PARG: variants seen among roughly 807,000 people sequenced by gnomAD.
PARG encodes mitochondrial poly(ADP-ribose) glycohydrolase.
In PARG, 35 loss-of-function variants were observed where a neutral mutation model predicts 113.0. The observed-to-expected ratio is 0.31, with a 90% CI of 0.24 to 0.41. The LOEUF is 0.41. PARG is among the 10% of genes least tolerant of loss of function. The pLI is 1.00. For missense variants in PARG, 797 were observed against 1,169.4 expected (o/e 0.68, Z 4.64); for synonymous variants, 330 against 409.9 (o/e 0.81, Z 2.36).
In PARG at chr10:49,934,096, A is replaced by G. The variant is rs1233537151; in HGVS notation, c.352T>C (p.Phe118Leu). 57 of 1,414,530 alleles carry G rather than the reference A, an allele frequency of 4.0e-5. No individual in the cohort carries two copies. Among genetic ancestry groups the G allele is most frequent in the Non-Finnish European group, 3.2e-5 (32 of 997,780 alleles). The allele number at this position is 1,414,530 out of a possible 1,614,324, so 87.6% of individuals were successfully genotyped here. Residue 118 changes from phenylalanine to leucine, a missense_variant, in exon 3 of 18, where the codon TTT becomes CTT. By Grantham distance (22) the Phe-to-Leu change is conservative. Transcript: ENST00000616448. ...SMMSSVQKDN[F>L]YQHNVEKLEN... ...AATTTTTCTACATTATGTTGGTAAA[A>G]GTTATCTTTTTGTACAGAACTCATC...
chr10:49,929,861 A>G (rs1417547408), intron 4 of PARG, among the ~76,000 whole-genome samples: 1 of 150,802 alleles, frequency 6.6e-6, no homozygotes, highest in Admixed American at 6.6e-5. Context: ...CAGTTTTTAT[A>G]GTAACTTTTA....
At chr10:49,889,345 C>T (rs565373007) in intron 7 of PARG, among the ~76,000 whole-genome samples, 1 of 152,256 alleles carries the variant, frequency 6.6e-6, no homozygotes, top group South Asian at 2.1e-4. Flanking sequence ...TGATACTGTG[C>T]CAGCAGGGGA....
At chr10:49,836,665 T>A (rs942667261) in intron 15 of PARG, among the ~76,000 whole-genome samples, 11 of 152,120 alleles carry the variant, frequency 7.2e-5, no homozygotes, top group Admixed American at 7.2e-4. Context: ...TGACACATAT[T>A]TTATGAAAAG....
intron 7 of PARG, among the ~76,000 whole-genome samples, chr10:49,904,063 G>A (rs1848464732): frequency 6.6e-6 from 1 of 151,644 alleles, no homozygotes; most frequent in African/African-American, 2.4e-5. Context: ...AACTCAAGAA[G>A]TATTTAGGAA....
intron 16 of PARG, among the ~76,000 whole-genome samples, chr10:49,832,029 G>C (rs1554830342): frequency 6.6e-6 from 1 of 152,186 alleles, no homozygotes. Flanking sequence ...GTACACCCAG[G>C]TGGTGTCAGA....
chr10:49,884,344 C>T (rs1410911162), intron 8 of PARG, among the ~76,000 whole-genome samples: 4 of 152,322 alleles, frequency 2.6e-5, no homozygotes, highest in Middle Eastern at 3.4e-3. Flanking sequence ...GTGGCTCACA[C>T]CTGTAATCCC....
At chr10:49,869,641 A>G (rs1415490344) in intron 9 of PARG, 86 bp from the exon 10 acceptor site, 5 of 642,426 alleles carry the variant, frequency 7.8e-6, no homozygotes, top group Non-Finnish European at 1.4e-5. Context: ...GCTACCAAGT[A>G]ATACAAAGAA....
At position 49,928,448 on chromosome 10, in the gene PARG, G is replaced by C. The variant is rs1838326638; in HGVS notation, c.1455+3652C>G. 2.0e-5 allele frequency among the ~76,000 whole-genome samples: 3 copies of C among 152,242 alleles called. No individual in the cohort carries two copies. In the South Asian group the frequency reaches 6.2e-4, roughly 32 times the overall value. The stretch of plus-strand genomic sequence containing the variant: ...CATACATGTAATATGCTTTGTGTGT[G>C]GCTCTGTGTTTGCATGCACGCACGT... On this transcript the variant is annotated intron_variant, in intron 4 of 17. Coordinates refer to ENST00000616448, the MANE Select transcript of PARG (RefSeq NM_003631.5).
chr10:49,893,131 T>C (rs1303560891), intron 7 of PARG, among the ~76,000 whole-genome samples: 1 of 3,944 alleles, frequency 2.5e-4, no homozygotes, highest in East Asian at 7.9e-3. Flanking sequence ...AGGGTAAGTA[T>C]ATGTTCAGTT....
intron 15 of PARG, chr10:49,833,118 A>G (rs1391328675): frequency 5.8e-6 from 2 of 346,560 alleles, no homozygotes; most frequent in Non-Finnish European, 1.0e-5. Flanking sequence ...GAAATGATAA[A>G]TTCTAATATT....
At chr10:49,837,335 T>A (rs1844990089) in intron 15 of PARG, among the ~76,000 whole-genome samples, 1 of 151,646 alleles carries the variant, frequency 6.6e-6, no homozygotes, top group Non-Finnish European at 1.5e-5. Context: ...TTTTACTTTT[T>A]CGCGTAGAAA....
rs143056375 is a variant in PARG at position 49,826,408 on chromosome 10, C to T, written c.2648-6115G>A. Reference sequence around the variant, plus strand: ...TTTCCCCAACTCCCTAACCACACTTCCTATAAAACTCAGTCAAAGGGCTAG... The same window carrying T: ...TTTCCCCAACTCCCTAACCACACTTTCTATAAAACTCAGTCAAAGGGCTAG... On this transcript the variant is annotated intron_variant, in intron 16 of 17. Transcript: ENST00000616448. Among the ~76,000 whole-genome samples the T allele has an allele frequency of 1.2e-4, 18 of 152,306 alleles. No individual in the cohort carries two copies. The East Asian group carries it at 3.5e-3, about 29-fold the overall frequency.
chr10:49,941,435 C>T, intron 1 of PARG, 74 bp downstream of exon 1: 7 of 1,102,584 alleles, frequency 6.3e-6, no homozygotes, highest in Non-Finnish European at 9.5e-6. Context: ...GTGACTGGAG[C>T]CCCTGGGTCC....
chr10:49,843,786 G>T lies in PARG; in HGVS notation c.2354-154C>A, dbSNP rs571827899. Among the ~76,000 whole-genome samples, 4 of 152,280 alleles carry T rather than the reference G, an allele frequency of 2.6e-5. No homozygotes were observed. In the South Asian group the frequency reaches 6.2e-4, roughly 24 times the overall value. On this transcript the variant is annotated intron_variant, in intron 13 of 17. Transcript: ENST00000616448. Reference sequence around the variant, plus strand: ...AAGAAAATAAACAAAAAGGCATAAAGAATGTAAAAAAATAAGTCAAACTGT... The same window carrying T: ...AAGAAAATAAACAAAAAGGCATAAATAATGTAAAAAAATAAGTCAAACTGT...
chr10:49,848,060 G>A lies in PARG; in HGVS notation c.2354-4428C>T, dbSNP rs549757032. On this transcript the variant is annotated intron_variant, in intron 13 of 17. Transcript: ENST00000616448. The stretch of plus-strand genomic sequence containing the variant: ...TTCATATACATACACATAAAAACAC[G>A]TAATATAAGGCCAGGCGGGGTGGCT... Among the ~76,000 whole-genome samples the A allele has an allele frequency of 7.9e-5, 12 of 152,196 alleles. No individual in the cohort carries two copies. In the South Asian group the frequency reaches 1.0e-3, roughly 13 times the overall value.
At chr10:49,935,176 C>T in intron 1 of PARG, 34 bp from the exon 2 acceptor site, 3 of 701,904 alleles carry the variant, frequency 4.3e-6, no homozygotes, top group East Asian at 2.7e-5. Flanking sequence ...TACATTCCTT[C>T]AAATATAAAA....
intron 6 of PARG, among the ~76,000 whole-genome samples, chr10:49,918,444 T>G (rs781964135): frequency 2.0e-5 from 3 of 152,252 alleles, no homozygotes; most frequent in Non-Finnish European, 2.9e-5. Context: ...ATGAGATTGC[T>G]TGTCATTAGA....
intron 16 of PARG, among the ~76,000 whole-genome samples, chr10:49,824,450 G>A (rs1844252489): frequency 6.6e-6 from 1 of 152,164 alleles, no homozygotes; most frequent in Non-Finnish European, 1.5e-5. Flanking sequence ...GCACAACTAT[G>A]TGCCAAAATA....
intron 7 of PARG, among the ~76,000 whole-genome samples, chr10:49,896,909 G>A (rs1281130702): frequency 1.3e-5 from 2 of 152,208 alleles, no homozygotes; most frequent in Admixed American, 1.3e-4. Flanking sequence ...AGAACTGACA[G>A]TGAAAACATC....
Sources: gnomAD v4.1 joint callset for allele counts (sites outside exome capture counted in the v4.1 genomes callset) on GRCh38, gnomAD v4.1.1 for gene constraint, MANE v1.5 for transcripts, NCBI Gene and HGNC (gene_info 2026-07-23, HGNC 2026-07-21) for gene names.